Variants in FBXO21 observed in about 807,000 individuals in gnomAD.
The protein encoded by FBXO21 is F-box protein 21, also known as F-box only protein 21.
Under a neutral mutation model 76.6 loss-of-function variants are expected in FBXO21, and 32 were observed. The ratio of observed to expected loss-of-function variants is 0.42; its 90% CI spans 0.32 to 0.56. The LOEUF (loss-of-function observed/expected upper bound fraction) is 0.56. Among genes scored for constraint, FBXO21 ranks in the 20% least tolerant of loss-of-function variants. The pLI is 0.16. For missense variants in FBXO21, 586 were observed against 797.3 expected (o/e 0.73, Z 3.19); for synonymous variants, 328 against 311.5 (o/e 1.05, Z -0.56).
chr12:117,167,100 G>A, intron 7 of FBXO21, 23 bp from the exon 8 acceptor site: 2 of 1,589,840 alleles, frequency 1.3e-6, no homozygotes, highest in Non-Finnish European at 1.7e-6. Context: ...CCAAATATCA[G>A]ATGAGAGCTG....
intron 3 of FBXO21, among the ~76,000 whole-genome samples, chr12:117,184,818 T>C (rs978287743): frequency 2.0e-5 from 3 of 152,216 alleles, no homozygotes; most frequent in Admixed American, 6.5e-5. Context: ...ACAATAGTGA[T>C]TTTGATGTTT....
intron 3 of FBXO21, among the ~76,000 whole-genome samples, chr12:117,182,742 T>C (rs1464091719): frequency 6.6e-6 from 1 of 151,662 alleles, no homozygotes; most frequent in African/African-American, 2.4e-5. Context: ...TTTGTATTTT[T>C]AGTAGAGGCA....
intron 9 of FBXO21, among the ~76,000 whole-genome samples, chr12:117,161,522 G>A (rs942550729): frequency 1.3e-5 from 2 of 152,178 alleles, no homozygotes. Flanking sequence ...CATACAGAGC[G>A]GGTTCACAGG....
At chr12:117,148,387 C>T (rs979247264) in intron 11 of FBXO21, among the ~76,000 whole-genome samples, 2 of 152,316 alleles carry the variant, frequency 1.3e-5, no homozygotes, top group Non-Finnish European at 2.9e-5. Context: ...AAGTGTAGGT[C>T]ACTGTGTGAA....
chr12:117,156,038 GT>G, intron 10 of FBXO21, 90 bp from the exon 11 acceptor site: 1 of 1,218,394 alleles, frequency 8.2e-7, no homozygotes, highest in Non-Finnish European at 1.2e-6. Flanking sequence ...CACATCCTCA[GT>G]TACCTGCTTT....
At chr12:117,153,675 C>A (rs1955873952) in intron 11 of FBXO21, among the ~76,000 whole-genome samples, 4 of 150,392 alleles carry the variant, frequency 2.7e-5, no homozygotes, top group Admixed American at 2.6e-4. Context: ...GCCCAGGACT[C>A]CGAGTCCCTC....
At chr12:117,181,886 G>A (rs552138837) in intron 3 of FBXO21, among the ~76,000 whole-genome samples, 35 of 152,198 alleles carry the variant, frequency 2.3e-4, no homozygotes, top group African/African-American at 8.4e-4. Context: ...CCTGACCTCA[G>A]GTGATCTGCC....
chr12:117,170,744 A>C (rs557584209), intron 7 of FBXO21, among the ~76,000 whole-genome samples: 1 of 152,172 alleles, frequency 6.6e-6, no homozygotes, highest in Non-Finnish European at 1.5e-5. Flanking sequence ...ACTGCATACA[A>C]TCCTACCCTG....
chr12:117,177,725 T>C (rs1290363985), intron 3 of FBXO21, 84 bp from the exon 4 acceptor site: 7 of 1,150,136 alleles, frequency 6.1e-6, no homozygotes, highest in Non-Finnish European at 7.4e-6. Flanking sequence ...ACCATGTAGT[T>C]TGCTTAACAA....
chr12:117,166,290 T>A (rs961325768), intron 8 of FBXO21, among the ~76,000 whole-genome samples: 1 of 152,014 alleles, frequency 6.6e-6, no homozygotes, highest in Non-Finnish European at 1.5e-5. Flanking sequence ...GGGACACATG[T>A]CATTATGTGT....
At chr12:117,167,155 T>C (rs574250650) in intron 7 of FBXO21, 78 bp from the exon 8 acceptor site, 4 of 1,100,098 alleles carry the variant, frequency 3.6e-6, no homozygotes, top group Admixed American at 4.0e-5. Context: ...GCTCAAATCA[T>C]GGGCTGAAGG....
Position 117,142,558 on chromosome 12 carries a change from A to T in FBXO21, c.*3529T>A, listed in dbSNP as rs1374508507. On this transcript the variant is annotated 3_prime_UTR_variant, in exon 12 of 12. Transcript: ENST00000622495. Reference sequence around the variant, plus strand: ...ACTTTATTAGGCCAGTGCCCGGCTCAAAGTTAGCATGCCACACAAAATAAT... The same window carrying T: ...ACTTTATTAGGCCAGTGCCCGGCTCTAAGTTAGCATGCCACACAAAATAAT... 1 of 152,138 alleles carries T rather than the reference A, an allele frequency of 6.6e-6. No individual in the cohort carries two copies. The highest frequency in any genetic ancestry group is 1.5e-5 in the Non-Finnish European group (1 of 68,042). The allele number at this position is 152,138 out of a possible 1,614,324, so 9.4% of individuals were successfully genotyped here.
chr12:117,184,627 C>T (rs936774415), intron 3 of FBXO21, among the ~76,000 whole-genome samples: 2 of 152,152 alleles, frequency 1.3e-5, no homozygotes, highest in African/African-American at 4.8e-5. Context: ...GTGGTGGGCA[C>T]CTGTAATCCC....
At chr12:117,149,330 A>G (rs1406169668) in intron 11 of FBXO21, among the ~76,000 whole-genome samples, 1 of 152,160 alleles carries the variant, frequency 6.6e-6, no homozygotes, top group Non-Finnish European at 1.5e-5. Flanking sequence ...AGCTGCACAG[A>G]AATAGTAGAG....
chr12:117,168,478 C>T lies in FBXO21; in HGVS notation c.1014-1401G>A, dbSNP rs190559455. On this transcript the variant is annotated intron_variant, in intron 7 of 11. Transcript: ENST00000622495. ...AGCGGAGGTTGCAGTGAGTCAAGAT[C>T]GCACCACTGCCCTCCAGCCTGGGTG... is the stretch of plus-strand genomic sequence containing the variant. 1.9e-3 allele frequency among the ~76,000 whole-genome samples: 288 copies of T among 151,776 alleles called. 5 individuals are homozygous for T. Among genetic ancestry groups the T allele is most frequent in the East Asian group, 0.016 (81 of 5,152 alleles).
intron 3 of FBXO21, among the ~76,000 whole-genome samples, chr12:117,186,217 G>A (rs1956282446): frequency 6.6e-6 from 1 of 152,140 alleles, no homozygotes; most frequent in Non-Finnish European, 1.5e-5. Flanking sequence ...AGATACAAGG[G>A]TCTGGGGCAC....
At chr12:117,177,404 A>G in intron 4 of FBXO21, 116 bp downstream of exon 4, 1 of 1,051,498 alleles carries the variant, frequency 9.5e-7, no homozygotes, top group Non-Finnish European at 1.4e-6. Flanking sequence ...CCCACGCAAC[A>G]TGATTTGCTT....
rs996789596 is a variant in FBXO21 at position 117,145,151 on chromosome 12, T to C, written c.*936A>G. 2 of 151,386 alleles carry C rather than the reference T, an allele frequency of 1.3e-5. No homozygotes were observed. Among genetic ancestry groups the C allele is most frequent in the African/African-American group, 2.4e-5 (1 of 41,212 alleles). The allele number at this position is 151,386 out of a possible 1,614,324, so 9.4% of individuals were successfully genotyped here. A position where few individuals can be genotyped will look rare whatever the true frequency, so the allele number is the denominator to read the frequency against. ...CTCATTTTTTGGTCTTTGAAGACCA[T>C]GGAGTATGACTTCTAAGAGCAAACA... On this transcript the variant is annotated 3_prime_UTR_variant, in exon 12 of 12. Transcript: ENST00000622495.
At chr12:117,180,790 A>G (rs1956220567) in intron 3 of FBXO21, among the ~76,000 whole-genome samples, 1 of 150,996 alleles carries the variant, frequency 6.6e-6, no homozygotes, top group African/African-American at 2.4e-5. Flanking sequence ...ACACCAAGCT[A>G]ATTTTTTTTT....
Sources: gnomAD v4.1 joint callset for allele counts (sites outside exome capture counted in the v4.1 genomes callset) on GRCh38, gnomAD v4.1.1 for gene constraint, MANE v1.5 for transcripts, NCBI Gene and HGNC (gene_info 2026-07-23, HGNC 2026-07-21) for gene names.